Variants in THADA observed in about 807,000 individuals in gnomAD.
The protein encoded by THADA is tRNA (32-2'-O)-methyltransferase regulator THADA.
A neutral mutation model predicts 219.8 loss-of-function variants in THADA; 213 were observed. The ratio of observed to expected loss-of-function variants is 0.97; its 90% CI spans 0.87 to 1.09. The LOEUF (loss-of-function observed/expected upper bound fraction) is 1.09. THADA is among the 50% of genes least tolerant of loss of function. The pLI, the probability that THADA is intolerant of heterozygous loss-of-function variation, is 0.00. For missense variants in THADA, 2,956 were observed against 2,311.3 expected, an observed-to-expected ratio of 1.28 and a Z score of -5.72; for synonymous variants, 1,018 against 828.9, an observed-to-expected ratio of 1.23 and a Z score of -3.92.
At chr2:43,380,700 A>G (rs1405382450) in intron 29 of THADA, among the ~76,000 whole-genome samples, 4 of 152,226 alleles carry the variant, frequency 2.6e-5, no homozygotes, top group African/African-American at 9.6e-5. Context: ...TTGGTTTCGA[A>G]TACCATTCTC....
intron 22 of THADA, among the ~76,000 whole-genome samples, chr2:43,509,569 T>A (rs765855368): frequency 6.6e-6 from 1 of 152,120 alleles, no homozygotes; most frequent in African/African-American, 2.4e-5. Flanking sequence ...TTTTTTAAGT[T>A]GAGGAAGAAA....
intron 26 of THADA, among the ~76,000 whole-genome samples, chr2:43,434,073 T>C (rs542375600): frequency 5.3e-5 from 8 of 152,192 alleles, no homozygotes; most frequent in African/African-American, 1.9e-4. Flanking sequence ...AAGAACAAGG[T>C]TGGAGGACTC....
chr2:43,574,682 C>A lies in THADA; in HGVS notation c.1383G>T (p.Leu461Phe). Residue 461 changes from leucine to phenylalanine, a missense_variant, in exon 11 of 38, where the codon TTG (leucine) becomes TTT (phenylalanine). Physicochemically the swap from Leu to Phe is conservative, Grantham distance 22 (BLOSUM62 0). Coordinates refer to ENST00000405975, the MANE Select transcript of THADA (RefSeq NM_022065.5). ...IKGKYTCLGCLVECIGVEHIL... is the reference protein window; with the variant it reads ...IKGKYTCLGCFVECIGVEHIL... Reference sequence around the variant, plus strand: ...TATGTTCAACTCCTATGCACTCTACCAAACAACCAAGGCACGTGTACTTTC... The same window carrying A: ...TATGTTCAACTCCTATGCACTCTACAAAACAACCAAGGCACGTGTACTTTC... 2 of 1,613,994 alleles carry A rather than the reference C, an allele frequency of 1.2e-6. No homozygotes were observed. Among genetic ancestry groups the A allele is most frequent in the Non-Finnish European group, 1.7e-6 (2 of 1,179,900 alleles).
At chr2:43,490,132 G>A (rs1459293100) in intron 25 of THADA, among the ~76,000 whole-genome samples, 1 of 152,116 alleles carries the variant, frequency 6.6e-6, no homozygotes, top group East Asian at 1.9e-4. Flanking sequence ...AAATGAAACT[G>A]TTTTCTTAAT....
At chr2:43,580,335 G>A (rs1282777525) in intron 8 of THADA, among the ~76,000 whole-genome samples, 4 of 151,714 alleles carry the variant, frequency 2.6e-5, no homozygotes, top group East Asian at 3.9e-4. Flanking sequence ...CACCACACCC[G>A]GCCGAAGTTA....
chr2:43,517,373 T>C (rs1393918160), intron 22 of THADA, among the ~76,000 whole-genome samples: 1 of 152,126 alleles, frequency 6.6e-6, no homozygotes, highest in Non-Finnish European at 1.5e-5. Flanking sequence ...GAAGCAAAAT[T>C]CCCAGAAAAG....
At chr2:43,292,523 T>TACCTCTG (rs1444246769) in intron 32 of THADA, among the ~76,000 whole-genome samples, 1 of 152,172 alleles carries the variant, frequency 6.6e-6, no homozygotes, top group African/African-American at 2.4e-5. Flanking sequence ...CAGCAAAGAC[T>TACCTCTG]ACCTCTGACA....
At chr2:43,264,772 G>C (rs1167680071) in intron 36 of THADA, among the ~76,000 whole-genome samples, 1 of 152,188 alleles carries the variant, frequency 6.6e-6, no homozygotes, top group Non-Finnish European at 1.5e-5. Flanking sequence ...GGCAGGGTTA[G>C]AACTAGCTGG....
At chr2:43,591,814 G>GA (rs547081973) in intron 3 of THADA, 138 bp downstream of exon 3, 6,750 of 409,302 alleles carry the variant, frequency 0.016, no homozygotes, top group East Asian at 0.022. Flanking sequence ...ACAATAAACA[G>GA]AAAAAAAAAA....
chr2:43,592,051 A>G lies in THADA; in HGVS notation c.77-5T>C, dbSNP rs934214271. On this transcript the variant is annotated splice_region_variant and splice_polypyrimidine_tract_variant and intron_variant, in intron 2 of 37. Coordinates refer to ENST00000405975, the MANE Select transcript of THADA (RefSeq NM_022065.5). ...TCCCTTCCACATCAGCAAAAGCTATATAACATATACAAAAAAAAATTTTCA... is the reference window on the plus strand; with the variant it reads ...TCCCTTCCACATCAGCAAAAGCTATGTAACATATACAAAAAAAAATTTTCA... 2.6e-6 allele frequency: 4 copies of G among 1,541,650 alleles called. No individual in the cohort carries two copies. The highest frequency in any genetic ancestry group is 2.4e-5 in the East Asian group (1 of 42,020).
intron 29 of THADA, among the ~76,000 whole-genome samples, chr2:43,386,342 G>A: frequency 6.6e-6 from 1 of 151,516 alleles, no homozygotes. Context: ...TCAAACATAT[G>A]CCTTTGTCCA....
chr2:43,374,060 T>C (rs1671100624), intron 29 of THADA, among the ~76,000 whole-genome samples: 1 of 152,240 alleles, frequency 6.6e-6, no homozygotes, highest in African/African-American at 2.4e-5. Flanking sequence ...TATTTATTGT[T>C]GCACATCAAT....
chr2:43,397,908 C>A, intron 29 of THADA, 63 bp downstream of exon 29: 2 of 1,561,988 alleles, frequency 1.3e-6, no homozygotes, highest in South Asian at 2.3e-5. Flanking sequence ...GCTAACAGTA[C>A]ATAAGAAACC....
At chr2:43,431,387 G>C (rs1652005745) in intron 26 of THADA, among the ~76,000 whole-genome samples, 1 of 151,960 alleles carries the variant, frequency 6.6e-6, no homozygotes, top group African/African-American at 2.4e-5. Flanking sequence ...GCCCCACAAA[G>C]GAACCTCTGA....
At chr2:43,295,890 C>T (rs1675309271) in intron 31 of THADA, among the ~76,000 whole-genome samples, 1 of 150,984 alleles carries the variant, frequency 6.6e-6, no homozygotes, top group South Asian at 2.1e-4. Context: ...GGGAGGCCAC[C>T]ATCTGGGGCT....
chr2:43,447,312 A>G (rs973640123), intron 26 of THADA, among the ~76,000 whole-genome samples: 1 of 152,006 alleles, frequency 6.6e-6, no homozygotes, highest in Non-Finnish European at 1.5e-5. Context: ...ATCAAACCAT[A>G]TCTATATTAC....
chr2:43,339,934 T>TA (rs971660882), intron 30 of THADA, among the ~76,000 whole-genome samples: 15 of 151,540 alleles, frequency 9.9e-5, no homozygotes, highest in African/African-American at 3.6e-4. Flanking sequence ...TCTCTAAAAC[T>TA]AAAAAATAAA....
intron 29 of THADA, among the ~76,000 whole-genome samples, chr2:43,361,186 G>A (rs1558638906): frequency 6.6e-6 from 1 of 152,136 alleles, no homozygotes; most frequent in African/African-American, 2.4e-5. Context: ...GAGAAACCCT[G>A]GCCTACTATC....
chr2:43,330,969 T>C (rs1318322470), intron 30 of THADA, among the ~76,000 whole-genome samples: 1 of 152,220 alleles, frequency 6.6e-6, no homozygotes, highest in Non-Finnish European at 1.5e-5. Context: ...TTACCTCTTC[T>C]ACAAATATCA....
Sources: allele counts gnomAD v4.1 joint callset (sites outside exome capture counted in the v4.1 genomes callset), GRCh38; gene constraint gnomAD v4.1.1; transcripts MANE v1.5; gene names NCBI Gene and HGNC (gene_info 2026-07-23, HGNC 2026-07-21).